Variants in CDIN1 observed in about 807,000 individuals in gnomAD.
CDIN1 encodes CDAN1-interacting nuclease 1.
A neutral mutation model predicts 45.3 loss-of-function variants in CDIN1; 33 were observed. The observed-to-expected ratio is 0.73, with a 90% CI of 0.55 to 0.97. CDIN1 has a LOEUF of 0.97. CDIN1 is among the 50% of genes least tolerant of loss of function. The pLI is 0.00. For missense variants in CDIN1, 303 were observed against 339.4 expected, an observed-to-expected ratio of 0.89 and a Z score of 0.84; for synonymous variants, 118 against 124.4, an observed-to-expected ratio of 0.95 and a Z score of 0.34.
chr15:36,631,727 C>T (rs2039687914), intron 1 of CDIN1, among the ~76,000 whole-genome samples: 2 of 152,176 alleles, frequency 1.3e-5, no homozygotes, highest in African/African-American at 4.8e-5. Flanking sequence ...TGTGTATAGA[C>T]TTTTGTTTAG....
chr15:36,689,443 G>A (rs2042165525), intron 5 of CDIN1, among the ~76,000 whole-genome samples: 1 of 152,200 alleles, frequency 6.6e-6, no homozygotes, highest in Non-Finnish European at 1.5e-5. Context: ...GTTCATGAGA[G>A]TTGGAATGTA....
chr15:36,785,609 G>A lies in CDIN1; in HGVS notation c.717-22715G>A, dbSNP rs76300261. On this transcript the variant is annotated intron_variant, in intron 10 of 10. Coordinates refer to ENST00000566621, the MANE Select transcript of CDIN1 (RefSeq NM_001321759.2). ...AGTGCCTGAGCGGCTGATTGGACTT[G>A]GGACTTTTCTACACATTGCAACTTG... Among the ~76,000 whole-genome samples the A allele has an allele frequency of 1.8e-4, 27 of 152,240 alleles. No homozygotes were observed. In the East Asian group the frequency reaches 5.2e-3, roughly 29 times the overall value.
chr15:36,774,864 T>A (rs1205420919), intron 10 of CDIN1, among the ~76,000 whole-genome samples: 4 of 152,146 alleles, frequency 2.6e-5, no homozygotes, highest in Non-Finnish European at 5.9e-5. Context: ...CAAGTGGGGG[T>A]TAAACTGTCA....
intron 1 of CDIN1, among the ~76,000 whole-genome samples, chr15:36,633,007 C>T (rs969966754): frequency 2.6e-5 from 4 of 152,156 alleles, no homozygotes; most frequent in African/African-American, 4.8e-5. Context: ...TTAAGACTCT[C>T]ATTAAATCAG....
At chr15:36,697,213 CAAGATGTGGACTAAG>C (rs2042462288) in intron 7 of CDIN1, 95 bp from the exon 8 acceptor site, 2 of 818,766 alleles carry the variant, frequency 2.4e-6, no homozygotes, top group Admixed American at 2.2e-5. Context: ...TTCATTCCTC[CAAGATGTGGACTAAG>C]GGTGAAAATG....
At chr15:36,676,892 G>A (rs765763169) in intron 5 of CDIN1, among the ~76,000 whole-genome samples, 1 of 152,082 alleles carries the variant, frequency 6.6e-6, no homozygotes, top group African/African-American at 2.4e-5. Context: ...CTTACCGTAA[G>A]TTTAAACTAT....
chr15:36,800,196 A>C (rs945819395), intron 10 of CDIN1, among the ~76,000 whole-genome samples: 6 of 152,172 alleles, frequency 3.9e-5, no homozygotes, highest in African/African-American at 1.4e-4. Flanking sequence ...AAGTTGTTTC[A>C]AAGAGATAAA....
intron 10 of CDIN1, among the ~76,000 whole-genome samples, chr15:36,797,396 G>C (rs1258009497): frequency 6.6e-6 from 1 of 152,104 alleles, no homozygotes; most frequent in African/African-American, 2.4e-5. Context: ...TGTATTTAAA[G>C]GAAGCAAGAG....
intron 10 of CDIN1, among the ~76,000 whole-genome samples, chr15:36,773,277 T>A (rs2054127119): frequency 6.6e-6 from 1 of 152,158 alleles, no homozygotes; most frequent in Non-Finnish European, 1.5e-5. Context: ...GGGCAGTACA[T>A]CCATCCCTTA....
At chr15:36,586,417 A>G (rs2037303214) in intron 1 of CDIN1, among the ~76,000 whole-genome samples, 1 of 152,134 alleles carries the variant, frequency 6.6e-6, no homozygotes, top group South Asian at 2.1e-4. Context: ...TCATTTAACC[A>G]GTGTCATCCA....
At chr15:36,666,711 A>G (rs1202633526) in intron 5 of CDIN1, among the ~76,000 whole-genome samples, 1 of 152,110 alleles carries the variant, frequency 6.6e-6, no homozygotes, top group Non-Finnish European at 1.5e-5. Flanking sequence ...TATTCCATGA[A>G]TAGCTCATTT....
At chr15:36,719,861 CTG>C (rs2140874996) in intron 10 of CDIN1, among the ~76,000 whole-genome samples, 1 of 152,088 alleles carries the variant, frequency 6.6e-6, no homozygotes, top group South Asian at 2.1e-4. Context: ...CACTTTGAGT[CTG>C]TCAAAGTGTT....
intron 1 of CDIN1, among the ~76,000 whole-genome samples, chr15:36,630,875 C>T (rs2039650326): frequency 6.6e-6 from 1 of 152,118 alleles, no homozygotes; most frequent in Admixed American, 6.5e-5. Flanking sequence ...TAACAACCAG[C>T]TCTTTAGAGA....
At chr15:36,710,080 G>T in intron 10 of CDIN1, 119 bp downstream of exon 10, 3 of 600,950 alleles carry the variant, frequency 5.0e-6, no homozygotes. Context: ...TAAATACAGA[G>T]TTTTGATTAA....
intron 10 of CDIN1, among the ~76,000 whole-genome samples, chr15:36,722,846 A>C (rs1355777213): frequency 1.3e-5 from 2 of 152,160 alleles, no homozygotes; most frequent in African/African-American, 4.8e-5. Context: ...GCAATGGTGA[A>C]CATTCTTTCA....
At chr15:36,774,207 T>G (rs2054161177) in intron 10 of CDIN1, among the ~76,000 whole-genome samples, 1 of 150,656 alleles carries the variant, frequency 6.6e-6, no homozygotes, top group Non-Finnish European at 1.5e-5. Flanking sequence ...CATAGCCCCT[T>G]AGGTTACTAG....
chr15:36,673,233 T>C (rs1258864866), intron 5 of CDIN1, among the ~76,000 whole-genome samples: 1 of 152,118 alleles, frequency 6.6e-6, no homozygotes, highest in East Asian at 1.9e-4. Context: ...GAAAGGCCCA[T>C]TCATCATGTC....
At chr15:36,760,919 A>G (rs7170886) in intron 10 of CDIN1, among the ~76,000 whole-genome samples, 23,500 of 152,176 alleles carry the variant, frequency 0.15, 2,114 homozygotes, top group African/African-American at 0.24. Context: ...AGTAGTGTGT[A>G]AGTATGCCCA....
intron 1 of CDIN1, among the ~76,000 whole-genome samples, chr15:36,626,516 A>G (rs1168828448): frequency 6.6e-6 from 1 of 152,196 alleles, no homozygotes; most frequent in African/African-American, 2.4e-5. Flanking sequence ...TATGTTTTCA[A>G]TGATTCAGTT....
Sources: allele counts gnomAD v4.1 joint callset (sites outside exome capture counted in the v4.1 genomes callset), GRCh38; gene constraint gnomAD v4.1.1; transcripts MANE v1.5; gene names NCBI Gene and HGNC (gene_info 2026-07-23, HGNC 2026-07-21).